PXDC1: variants seen among roughly 807,000 people sequenced by gnomAD.
PXDC1 encodes the protein PX domain containing 1, also known as PX domain-containing protein 1.
In PXDC1, 13 loss-of-function variants were observed where a neutral mutation model predicts 24.4. The ratio of observed to expected loss-of-function variants is 0.53; its 90% CI spans 0.35 to 0.85. PXDC1 has a LOEUF of 0.85. Ranked by LOEUF, PXDC1 falls within the 40% of genes least tolerant of loss-of-function variation. PXDC1 has a pLI of 0.01. For synonymous variants in PXDC1, 162 were observed against 124.9 expected, an observed-to-expected ratio of 1.30 and a Z score of -1.98; for missense variants, 344 against 309.3, an observed-to-expected ratio of 1.11 and a Z score of -0.84.
intron 1 of PXDC1, 149 bp from the exon 2 acceptor site, chr6:3,738,297 C>G (rs761507999): frequency 6.1e-6 from 4 of 659,976 alleles, no homozygotes; most frequent in Non-Finnish European, 1.1e-5. Context: ...GCACCTATAG[C>G]CGCTTTCTGG....
rs965989894 is a variant in PXDC1, at chr6:3,737,674, C to T, written c.348+383G>A. 10 of 985,302 alleles carry T rather than the reference C, an allele frequency of 1.0e-5. No individual in the cohort carries two copies. In the East Asian group the frequency reaches 5.7e-4, roughly 56 times the overall value. 61.0% of individuals were successfully genotyped at this position (985,302 alleles called of 1,614,324 possible). ...ACGTGCCCCGCTGTGCTGACGCCAA[C>T]GTTCTTCTTGGTTTCCACGTGTCTG... On this transcript the variant is annotated intron_variant, in intron 2 of 4. Coordinates refer to ENST00000380283, the MANE Select transcript of PXDC1 (RefSeq NM_183373.4). This position sits in a 1 kb window ranked among gnomAD's most constrained non-coding sequence, Gnocchi z 5.5.
intron 1 of PXDC1, among the ~76,000 whole-genome samples, chr6:3,741,106 G>A (rs368072505): frequency 5.6e-4 from 85 of 152,372 alleles, no homozygotes; most frequent in African/African-American, 1.6e-3. Flanking sequence ...CGGTCTTCTC[G>A]TCATCACCTC....
chr6:3,732,800 A>G (rs781187277), intron 3 of PXDC1, among the ~76,000 whole-genome samples: 19 of 152,200 alleles, frequency 1.2e-4, no homozygotes, highest in Admixed American at 6.5e-5. Context: ...CCCCATCCCC[A>G]GCCTACATCA....
At position 3,725,568 on chromosome 6, in the gene PXDC1, T is replaced by C. The variant is rs1760044829; in HGVS notation, c.579-1832A>G. Among the ~76,000 whole-genome samples, 1 of 152,226 alleles carries C rather than the reference T, an allele frequency of 6.6e-6. No homozygotes were observed. The highest frequency in any genetic ancestry group is 6.5e-5 in the Admixed American group (1 of 15,290). On this transcript the variant is annotated intron_variant, in intron 4 of 4. Coordinates refer to ENST00000380283, the MANE Select transcript of PXDC1 (RefSeq NM_183373.4). This position sits in a 1 kb window ranked among gnomAD's most constrained non-coding sequence, Gnocchi z 4.8. ...TGAGACTCTGCTGTGGGGGCCCTGC[T>C]GTGGGCCCGGCGGCACTGGGCTCAC...
At chr6:3,729,112 G>A (rs226957) in intron 3 of PXDC1, among the ~76,000 whole-genome samples, 20,337 of 152,020 alleles carry the variant, frequency 0.13, 2,183 homozygotes, top group African/African-American at 0.25. Context: ...CTGCCCCATC[G>A]GATGCCTTAG....
At chr6:3,751,029 C>A (rs1278845178) in intron 1 of PXDC1, 1 of 458,432 alleles carries the variant, frequency 2.2e-6, no homozygotes, top group African/African-American at 2.1e-5. Context: ...CTGCCGGCCT[C>A]GGCCCCTTTC....
intron 3 of PXDC1, among the ~76,000 whole-genome samples, chr6:3,732,164 G>A (rs935997212): frequency 6.6e-6 from 1 of 152,192 alleles, no homozygotes; most frequent in Non-Finnish European, 1.5e-5. Context: ...ATGCAGCTAT[G>A]TTTTCATAGC....
chr6:3,750,746 G>A (rs1052194404), intron 1 of PXDC1, among the ~76,000 whole-genome samples: 1 of 152,170 alleles, frequency 6.6e-6, no homozygotes, highest in East Asian at 1.9e-4. Context: ...GCTCCGAGGA[G>A]GGACGGAAGG....
At chr6:3,745,904 G>A (rs12526499) in intron 1 of PXDC1, among the ~76,000 whole-genome samples, 13,722 of 152,260 alleles carry the variant, frequency 0.09, 806 homozygotes, top group East Asian at 0.35. Flanking sequence ...CCTTGCAGGT[G>A]TAAGTTGGCA....
At chr6:3,744,062 C>G (rs1424062351) in intron 1 of PXDC1, among the ~76,000 whole-genome samples, 1 of 152,212 alleles carries the variant, frequency 6.6e-6, no homozygotes, top group Non-Finnish European at 1.5e-5. Flanking sequence ...AAATGTTTGA[C>G]TTAAACTTAC....
chr6:3,727,354 TCTTCCACAGATTCA>T (rs1241443399), intron 4 of PXDC1, among the ~76,000 whole-genome samples, 183 bp downstream of exon 4: 1 of 152,146 alleles, frequency 6.6e-6, no homozygotes, highest in Non-Finnish European at 1.5e-5. Flanking sequence ...AGCAACTCCA[TCTTCCACAGATTCA>T]CTCATCAAGA....
chr6:3,723,837 G>C lies in PXDC1; in HGVS notation c.579-101C>G. 4 of 888,536 alleles carry C rather than the reference G, an allele frequency of 4.5e-6. No individual in the cohort carries two copies. The East Asian group carries it at 9.7e-5, about 22-fold the overall frequency. The allele number at this position is 888,536 out of a possible 1,614,324, so 55.0% of individuals were successfully genotyped here. On this transcript the variant is annotated intron_variant, in intron 4 of 4. Coordinates refer to ENST00000380283, the MANE Select transcript of PXDC1 (RefSeq NM_183373.4). ...CATGACTTTCAATGCCCGCTAGTAA[G>C]TGTGCAAAAAAACCACGGCTACAAA...
chr6:3,726,403 C>T (rs904600289), intron 4 of PXDC1, among the ~76,000 whole-genome samples: 4 of 152,248 alleles, frequency 2.6e-5, no homozygotes, highest in African/African-American at 2.4e-5. Context: ...AGGAAAGCTG[C>T]GGCCTTGGCC....
At chr6:3,732,495 A>G (rs891938171) in intron 3 of PXDC1, among the ~76,000 whole-genome samples, 1 of 152,236 alleles carries the variant, frequency 6.6e-6, no homozygotes, top group African/African-American at 2.4e-5. Context: ...TGATGAGTCC[A>G]AGTTGCCAGA....
chr6:3,744,991 C>T (rs929019559), intron 1 of PXDC1, among the ~76,000 whole-genome samples: 1 of 152,236 alleles, frequency 6.6e-6, no homozygotes, highest in African/African-American at 2.4e-5. Flanking sequence ...TGAGCCACCG[C>T]GGCAGCCATT....
Position 3,727,627 on chromosome 6 carries a change from T to C in PXDC1, c.502A>G (p.Thr168Ala), listed in dbSNP as rs1295172745. 6.2e-7 allele frequency: 1 copy of C among 1,613,934 alleles called. No individual in the cohort carries two copies. Among genetic ancestry groups the C allele is most frequent in the Admixed American group, 1.7e-5 (1 of 60,028 alleles). Residue 168 changes from threonine (T) to alanine (A), a missense_variant, in exon 4 of 5, where the codon ACC becomes GCC. Thr to Ala is a moderately conservative substitution (Grantham distance 58). Coordinates refer to ENST00000380283, the MANE Select transcript of PXDC1 (RefSeq NM_183373.4). ...CTGTGGTCAATAACTATTGTTTCGG[T>C]ATTTGCTAAACAAAATCCATTGGAC... ...MRSNGFCLAN[T>A]ETIVIDHSIP...
chr6:3,732,643 C>G (rs961164228), intron 3 of PXDC1, among the ~76,000 whole-genome samples: 2 of 152,228 alleles, frequency 1.3e-5, no homozygotes, highest in Non-Finnish European at 1.5e-5. Flanking sequence ...GAAGCACTGC[C>G]AAGGGATGCA....
chr6:3,744,233 AGC>A (rs1760513941), intron 1 of PXDC1, among the ~76,000 whole-genome samples: 1 of 152,102 alleles, frequency 6.6e-6, no homozygotes, highest in Admixed American at 6.6e-5. Context: ...TCCCAGGGGG[AGC>A]AGCCCACTCA....
intron 1 of PXDC1, among the ~76,000 whole-genome samples, chr6:3,748,692 C>A (rs1337337180): frequency 2.0e-5 from 3 of 152,166 alleles, no homozygotes; most frequent in Non-Finnish European, 4.4e-5. Flanking sequence ...GCTCCCACAC[C>A]CTCCAAGGGT....
Sources: allele counts gnomAD v4.1 joint callset (sites outside exome capture counted in the v4.1 genomes callset), GRCh38; gene constraint gnomAD v4.1.1; non-coding constraint Gnocchi (gnomAD v3.1); transcripts MANE v1.5; gene names NCBI Gene and HGNC (gene_info 2026-07-23, HGNC 2026-07-21).